Variants in CASR observed in about 807,000 individuals in gnomAD.
CASR encodes the protein extracellular calcium-sensing receptor.
In CASR, 23 loss-of-function variants were observed where a neutral mutation model predicts 69.1. That is an observed-to-expected ratio of 0.33 (90% confidence interval 0.24 to 0.47). The LOEUF is 0.47. Ranked by LOEUF, CASR falls within the 20% of genes least tolerant of loss-of-function variation. The pLI is 1.00. For synonymous variants in CASR, 541 were observed against 544.7 expected, an observed-to-expected ratio of 0.99 and a Z score of 0.10; for missense variants, 924 against 1,356.1, an observed-to-expected ratio of 0.68 and a Z score of 5.00.
chr3:122,254,323 C>G lies in CASR; in HGVS notation c.134C>G (p.Ala45Gly), dbSNP rs779995504. Residue 45 changes from alanine to glycine, a missense_variant, in exon 2 of 7, where the codon GCA (alanine) becomes GGA (glycine). By Grantham distance (60) the Ala-to-Gly change is moderately conservative. Around this residue, in one of 8 missense-constraint regions of CASR, gnomAD observed 141 missense variants for 283.0 expected, o/e 0.50. Transcript: ENST00000639785. ...GGLFPIHFGV[A>G]AKDQDLKSRP... ...CTCTTTCCTATTCATTTTGGAGTAG[C>G]AGCTAAAGATCAAGATCTCAAATCA... is the stretch of plus-strand genomic sequence containing the variant. The G allele has an allele frequency of 6.2e-7, 1 of 1,614,148 alleles. No individual in the cohort carries two copies. The highest frequency in any genetic ancestry group is 8.5e-7 in the Non-Finnish European group (1 of 1,180,034).
intron 5 of CASR, among the ~76,000 whole-genome samples, chr3:122,277,325 A>G (rs2107644809): frequency 6.6e-6 from 1 of 151,956 alleles, no homozygotes; most frequent in East Asian, 1.9e-4. Context: ...CAGATGACAG[A>G]CGTGAGCCAC....
chr3:122,263,083 T>C (rs2074647207), intron 4 of CASR, among the ~76,000 whole-genome samples: 1 of 152,234 alleles, frequency 6.6e-6, no homozygotes, highest in African/African-American at 2.4e-5. Flanking sequence ...GACATCATAA[T>C]CTTTTTCATT....
intron 1 of CASR, among the ~76,000 whole-genome samples, chr3:122,226,341 G>C (rs1039476116): frequency 6.6e-6 from 1 of 151,918 alleles, no homozygotes; most frequent in East Asian, 1.9e-4. Context: ...TGTTCCTCCC[G>C]GTGGGTTCAT....
At chr3:122,233,796 T>C (rs2074302027) in intron 1 of CASR, among the ~76,000 whole-genome samples, 1 of 152,166 alleles carries the variant, frequency 6.6e-6, no homozygotes, top group African/African-American at 2.4e-5. Flanking sequence ...TTTGACAGTA[T>C]CTAAGGGGAA....
intron 1 of CASR, among the ~76,000 whole-genome samples, chr3:122,234,612 T>A (rs1221934039): frequency 6.6e-6 from 1 of 152,198 alleles, no homozygotes; most frequent in Non-Finnish European, 1.5e-5. Context: ...TTCAAATAAG[T>A]AATGGAAGAA....
chr3:122,284,558 C>T lies in CASR; in HGVS notation c.2604C>T (p.Thr868=), dbSNP rs957447440. The part of the protein sequence containing the change: ...YIILFKPSRN[T]IEEVRCSTAA... Reference sequence around the variant, plus strand: ...TTCTCTTCAAGCCATCCCGCAACACCATCGAGGAGGTGCGTTGCAGCACCG... The same window carrying T: ...TTCTCTTCAAGCCATCCCGCAACACTATCGAGGAGGTGCGTTGCAGCACCG... The change falls in exon 7 of 7, where the codon ACC becomes ACT. Residue 868 remains threonine (T), a synonymous_variant. Coordinates refer to ENST00000639785, the MANE Select transcript of CASR (RefSeq NM_000388.4). The T allele has an allele frequency of 6.2e-7, 1 of 1,614,126 alleles. No individual in the cohort carries two copies. The highest frequency in any genetic ancestry group is 2.2e-5 in the East Asian group (1 of 44,884).
At chr3:122,218,096 A>T (rs1263505572) in intron 1 of CASR, among the ~76,000 whole-genome samples, 1 of 151,974 alleles carries the variant, frequency 6.6e-6, no homozygotes, top group Admixed American at 6.6e-5. Flanking sequence ...GTATTCAAAG[A>T]TCCTGCCACT....
Position 122,275,877 on chromosome 3 carries a change from G to C in CASR, c.1443G>C (p.Glu481Asp), listed in dbSNP as rs1382392248. ...TGGGGGAGCAGGTGACCTTTGATGA[G>C]TGTGGTGACCTGGTGGGGAACTATT... ...NNMGEQVTFD[E>D]CGDLVGNYSI... Residue 481 changes from glutamate (E) to aspartate (D), a missense_variant, in exon 5 of 7, where the codon GAG becomes GAC. Coordinates refer to ENST00000639785, the MANE Select transcript of CASR (RefSeq NM_000388.4). 3 of 1,614,196 alleles carry C rather than the reference G, an allele frequency of 1.9e-6. No homozygotes were observed. The South Asian group carries it at 3.3e-5, about 18-fold the overall frequency.
intron 4 of CASR, among the ~76,000 whole-genome samples, chr3:122,272,049 C>T (rs2074764254): frequency 2.0e-5 from 3 of 149,816 alleles, no homozygotes; most frequent in Non-Finnish European, 3.0e-5. Context: ...CATTTATGTA[C>T]AAATGTTTGT....
At chr3:122,204,099 A>T (rs193205800) in intron 1 of CASR, among the ~76,000 whole-genome samples, 30 of 152,252 alleles carry the variant, frequency 2.0e-4, no homozygotes, top group Admixed American at 2.0e-4. Flanking sequence ...TTAGGCTAGG[A>T]CCATTCCAAT....
chr3:122,213,572 AC>A (rs369371419), intron 1 of CASR, among the ~76,000 whole-genome samples: 61 of 152,124 alleles, frequency 4.0e-4, no homozygotes, highest in African/African-American at 1.4e-3. Context: ...TTGGCACCAT[AC>A]CCCATATGAA....
intron 1 of CASR, among the ~76,000 whole-genome samples, chr3:122,197,994 C>G (rs376064120): frequency 3.9e-5 from 6 of 152,280 alleles, no homozygotes; most frequent in Middle Eastern, 3.4e-3. Flanking sequence ...TAAAAAATGT[C>G]TCACCACTCT....
Position 122,272,009 on chromosome 3 carries a change from T to C in CASR, c.1378-3803T>C, listed in dbSNP as rs368063614. On this transcript the variant is annotated intron_variant, in intron 4 of 6. Coordinates refer to ENST00000639785, the MANE Select transcript of CASR (RefSeq NM_000388.4). ...GATGAACATTTGGATTGTTCCCACC[T>C]TTGGTTGTTATGAGTAATGTTGCTA... Among the ~76,000 whole-genome samples the C allele has an allele frequency of 1.1e-4, 16 of 152,150 alleles. 1 individual carries two copies. Among genetic ancestry groups the C allele is most frequent in the Admixed American group, 8.5e-4 (13 of 15,272 alleles).
intron 4 of CASR, among the ~76,000 whole-genome samples, chr3:122,272,110 C>T (rs1224864782): frequency 6.6e-6 from 1 of 152,024 alleles, no homozygotes. Flanking sequence ...CACACACACA[C>T]ACACACACAC....
In CASR at chr3:122,243,846, T is replaced by TA. The variant is rs61140236; in HGVS notation, c.-242-10091dup. Among the ~76,000 whole-genome samples the TA allele has an allele frequency of 3.6e-3, 530 of 147,432 alleles. 4 individuals are homozygous for TA. The highest frequency in any genetic ancestry group is 0.013 in the East Asian group (66 of 5,068). On this transcript the variant is annotated intron_variant, in intron 1 of 6. Transcript: ENST00000639785. ...AACACAATGGAGTACTATTCCATCATAAAAAAAAAAATGAGATCCTGTCAT... is the reference window on the plus strand; with the variant it reads ...AACACAATGGAGTACTATTCCATCATAAAAAAAAAAAATGAGATCCTGTCAT...
intron 1 of CASR, among the ~76,000 whole-genome samples, chr3:122,208,958 G>A (rs2074035460): frequency 6.6e-6 from 1 of 152,108 alleles, no homozygotes; most frequent in South Asian, 2.1e-4. Context: ...TCGACATTGG[G>A]GCTTGGGGAT....
intron 1 of CASR, among the ~76,000 whole-genome samples, chr3:122,215,907 G>A (rs1405374960): frequency 3.9e-5 from 6 of 152,122 alleles, no homozygotes; most frequent in African/African-American, 1.4e-4. Context: ...GAAGTGTTGG[G>A]GATCATAACC....
chr3:122,197,693 A>T (rs752575414), intron 1 of CASR, among the ~76,000 whole-genome samples: 1 of 152,090 alleles, frequency 6.6e-6, no homozygotes, highest in Non-Finnish European at 1.5e-5. Flanking sequence ...CTGTTGATTC[A>T]TATTGATCTC....
intron 1 of CASR, among the ~76,000 whole-genome samples, chr3:122,244,559 A>C (rs1346859339): frequency 1.3e-5 from 2 of 152,176 alleles, no homozygotes; most frequent in Non-Finnish European, 2.9e-5. Flanking sequence ...AAACAGGAAA[A>C]TCCCATCTTT....
Sources: gnomAD v4.1 joint callset for allele counts (sites outside exome capture counted in the v4.1 genomes callset) on GRCh38, gnomAD v4.1.1 for gene constraint, gnomAD v4.1.1 regional missense constraint, MANE v1.5 for transcripts, NCBI Gene and HGNC (gene_info 2026-07-23, HGNC 2026-07-21) for gene names.